The following PHLDB3 variants were observed in gnomAD, a reference collection of about 807,000 sequenced individuals.
PHLDB3 encodes the protein pleckstrin homology like domain family B member 3.
Under a neutral mutation model 85.7 loss-of-function variants are expected in PHLDB3, and 86 were observed. The observed-to-expected ratio is 1.00, with a 90% CI of 0.84 to 1.20. The LOEUF (loss-of-function observed/expected upper bound fraction) is 1.20. Among genes scored for constraint, PHLDB3 ranks in the 50% most tolerant of loss-of-function variants. PHLDB3 has a pLI of 0.00. For missense variants in PHLDB3, 995 were observed against 873.0 expected (o/e 1.14, Z -1.76); for synonymous variants, 376 against 349.8 (o/e 1.07, Z -0.83).
chr19:43,502,550 G>A (rs924236286), intron 2 of PHLDB3, among the ~76,000 whole-genome samples: 1 of 148,104 alleles, frequency 6.8e-6, no homozygotes, highest in African/African-American at 2.5e-5. Flanking sequence ...CCTCGCTCAA[G>A]CGATTCTTCT....
At chr19:43,487,211 T>A in intron 9 of PHLDB3, 88 bp from the exon 10 acceptor site, 4 of 1,057,688 alleles carry the variant, frequency 3.8e-6, no homozygotes, top group Non-Finnish European at 4.3e-6. Context: ...CACCACCCAG[T>A]CAGCACAAAT....
At chr19:43,486,104 G>A in intron 13 of PHLDB3, 162 bp downstream of exon 13, 2 of 985,408 alleles carry the variant, frequency 2.0e-6, no homozygotes, top group Non-Finnish European at 2.4e-6. Flanking sequence ...TCCGGTCATG[G>A]GAACAGGAAC....
In PHLDB3 at chr19:43,501,786, A is replaced by G; in HGVS notation, c.482T>C (p.Leu161Pro). The change falls in exon 4 of 16, where the codon CTG becomes CCG. Residue 161 changes from leucine (L) to proline (P), a missense_variant. Coordinates refer to ENST00000292140, the MANE Select transcript of PHLDB3 (RefSeq NM_198850.4). Reference sequence around the variant, plus strand: ...CTCCGAGGCCGCCTGCTGCTCCAGCAGCTCCCGCAGCTGCTCCTCCTCCCG... The same window carrying G: ...CTCCGAGGCCGCCTGCTGCTCCAGCGGCTCCCGCAGCTGCTCCTCCTCCCG... ...ARREEEQLRE[L>P]LEQQAASEQR... 6.3e-7 allele frequency: 1 copy of G among 1,585,776 alleles called. No homozygotes were observed. Among genetic ancestry groups the G allele is most frequent in the Non-Finnish European group, 8.6e-7 (1 of 1,168,462 alleles).
intron 4 of PHLDB3, among the ~76,000 whole-genome samples, chr19:43,499,343 A>T (rs1971536418): frequency 6.6e-6 from 1 of 151,574 alleles, no homozygotes; most frequent in Non-Finnish European, 1.5e-5. Flanking sequence ...GGTCAGAGGG[A>T]GGAGGGGCTG....
intron 12 of PHLDB3, 98 bp downstream of exon 12, chr19:43,486,511 C>T: frequency 1.4e-6 from 2 of 1,430,576 alleles, no homozygotes; most frequent in South Asian, 2.7e-5. Context: ...GGCCTGGACC[C>T]CTGGGTCTGA....
chr19:43,479,605 A>C lies in PHLDB3; in HGVS notation c.1486-12T>G. ...GGGGTGGGTGGGGCCTGGGGAGCAA[A>C]GAGACGGGGCAGCTGATGTAAGGGG... On this transcript the variant is annotated splice_polypyrimidine_tract_variant and intron_variant, in intron 13 of 15. Transcript: ENST00000292140. 1.3e-6 allele frequency: 2 copies of C among 1,502,704 alleles called. No individual in the cohort carries two copies. The highest frequency in any genetic ancestry group is 2.4e-5 in the South Asian group (2 of 83,094). The allele number at this position is 1,502,704 out of a possible 1,614,324, so 93.1% of individuals were successfully genotyped here.
At chr19:43,502,037 G>C in intron 3 of PHLDB3, 64 bp downstream of exon 3, 1 of 1,523,702 alleles carries the variant, frequency 6.6e-7, no homozygotes, top group Non-Finnish European at 8.8e-7. Flanking sequence ...AAAAAGCTGG[G>C]AGTCCGGCTT....
At position 43,497,186 on chromosome 19, in the gene PHLDB3, C is replaced by T; in HGVS notation, c.757G>A (p.Asp253Asn). ...RESRQEEEDR[D>N]SPGPQVPDPK... ...TCTGGCACCTGGGGCCCAGGGCTGT[C>T]CCGATCCTCCTCCTCCTGCCGGCTC... The change falls in exon 6 of 16, where the codon GAC (aspartate) becomes AAC (asparagine). Residue 253 changes from aspartate (D) to asparagine (N), a missense_variant. Coordinates refer to ENST00000292140, the MANE Select transcript of PHLDB3 (RefSeq NM_198850.4). The T allele has an allele frequency of 6.4e-7, 1 of 1,567,668 alleles. No individual in the cohort carries two copies. The highest frequency in any genetic ancestry group is 8.6e-7 in the Non-Finnish European group (1 of 1,159,206).
In PHLDB3 at chr19:43,502,170, C is replaced by T; in HGVS notation, c.327G>A (p.Leu109=). Residue 109 remains leucine, a synonymous_variant, in exon 3 of 16, where the codon TTG becomes TTA. Coordinates refer to ENST00000292140, the MANE Select transcript of PHLDB3 (RefSeq NM_198850.4). ...RRLQGQQLEA[L]TRVALMEQRV... is the part of the protein sequence containing the mutation. The stretch of plus-strand genomic sequence containing the variant: ...GCTGCTCCATCAGGGCCACACGAGT[C>T]AATGCCTCCAGCTGCTGTCCTTGCA... The T allele has an allele frequency of 6.3e-7, 1 of 1,580,130 alleles. No homozygotes were observed. The highest frequency in any genetic ancestry group is 8.6e-7 in the Non-Finnish European group (1 of 1,163,594).
At chr19:43,482,950 T>C (rs1453121077) in intron 13 of PHLDB3, among the ~76,000 whole-genome samples, 1 of 152,206 alleles carries the variant, frequency 6.6e-6, no homozygotes, top group African/African-American at 2.4e-5. Flanking sequence ...ATGCTATTTA[T>C]TTTACATATT....
At chr19:43,480,712 A>G (rs1971027545) in intron 13 of PHLDB3, among the ~76,000 whole-genome samples, 1 of 152,188 alleles carries the variant, frequency 6.6e-6, no homozygotes, top group Admixed American at 6.5e-5. Flanking sequence ...ACTCTCCTGA[A>G]GGGGTAAGTA....
chr19:43,486,875 G>T lies in PHLDB3; in HGVS notation c.1250-5C>A. The stretch of plus-strand genomic sequence containing the variant: ...GAGCTGAGGCCTCCAGGGATTCTAG[G>T]GTAGAGGGGACCAGGTTACAGGGCT... On this transcript the variant is annotated splice_polypyrimidine_tract_variant and splice_region_variant and intron_variant, in intron 10 of 15. Coordinates refer to ENST00000292140, the MANE Select transcript of PHLDB3 (RefSeq NM_198850.4). 1.3e-6 allele frequency: 2 copies of T among 1,544,546 alleles called. No homozygotes were observed. The highest frequency in any genetic ancestry group is 1.7e-6 in the Non-Finnish European group (2 of 1,144,662).
chr19:43,500,196 G>A lies in PHLDB3; in HGVS notation c.534+1538C>T, dbSNP rs140154010. On this transcript the variant is annotated intron_variant, in intron 4 of 15. Transcript: ENST00000292140. ...AGAGGTTACGGTGAGCCAAGATCAC[G>A]CCATTGCACTCCAGCCTGGGCAACA... 1.5e-4 allele frequency among the ~76,000 whole-genome samples: 23 copies of A among 152,096 alleles called. No homozygotes were observed. The East Asian group carries it at 3.3e-3, about 22-fold the overall frequency.
chr19:43,487,591 A>AAAAAAAAAAAAAAAAAAAAACAC, intron 9 of PHLDB3, among the ~76,000 whole-genome samples: 1 of 115,770 alleles, frequency 8.6e-6, no homozygotes, highest in Non-Finnish European at 1.9e-5. Context: ...AAAAAAAAAA[A>AAAAAAAAAAAAAAAAAAAAACAC]ACACAGAAAA....
intron 4 of PHLDB3, among the ~76,000 whole-genome samples, chr19:43,498,196 G>T (rs1971509503): frequency 6.6e-6 from 1 of 152,078 alleles, no homozygotes; most frequent in South Asian, 2.1e-4. Flanking sequence ...AAAATTAGTG[G>T]AGTGTGTTAG....
chr19:43,486,804 A>G lies in PHLDB3; in HGVS notation c.1316T>C (p.Leu439Pro). 6.3e-7 allele frequency: 1 copy of G among 1,596,778 alleles called. No individual in the cohort carries two copies. Among genetic ancestry groups the G allele is most frequent in the Non-Finnish European group, 8.5e-7 (1 of 1,169,936 alleles). Residue 439 changes from leucine to proline, a missense_variant, in exon 11 of 16, where the codon CTG (leucine) becomes CCG (proline). Transcript: ENST00000292140. ...CCTATTCCCACGGCCACAGTTCAGC[A>G]GCTGGTAGAGGGGGTATCTGCCGGA... The part of the protein sequence containing the change: ...GDSGRYPLYQ[L>P]LNCGRGNSCG...
chr19:43,475,521 G>A lies in PHLDB3; in HGVS notation c.1812C>T (p.Phe604=). 6.2e-7 allele frequency: 1 copy of A among 1,613,978 alleles called. No individual in the cohort carries two copies. Among genetic ancestry groups the A allele is most frequent in the Non-Finnish European group, 8.5e-7 (1 of 1,179,884 alleles). The part of the protein sequence containing the change: ...AFKSPNPRLT[F]CVKTYERLFY... ...AAAGGCGTTCGTAGGTTTTGACGCA[G>A]AAGGTCAGGCGGGGGTTGGGGCTCT... The change falls in exon 16 of 16, where the codon TTC becomes TTT. Residue 604 remains phenylalanine (F), a synonymous_variant. Coordinates refer to ENST00000292140, the MANE Select transcript of PHLDB3 (RefSeq NM_198850.4).
At chr19:43,489,388 T>TA (rs1182317384) in intron 9 of PHLDB3, among the ~76,000 whole-genome samples, 1 of 128,974 alleles carries the variant, frequency 7.8e-6, no homozygotes, top group Admixed American at 7.6e-5. Context: ...TTTTTTTTTT[T>TA]AAGCGAGTAC....
intron 4 of PHLDB3, among the ~76,000 whole-genome samples, chr19:43,499,033 A>G (rs75202193): frequency 0.081 from 12,310 of 152,106 alleles, 780 homozygotes; most frequent in East Asian, 0.32. Flanking sequence ...AGGATGGGGT[A>G]GGAGCTAGGA....
Sources: allele counts gnomAD v4.1 joint callset (sites outside exome capture counted in the v4.1 genomes callset), GRCh38; gene constraint gnomAD v4.1.1; transcripts MANE v1.5; gene names NCBI Gene and HGNC (gene_info 2026-07-23, HGNC 2026-07-21).